NDFIP2: variants seen among roughly 807,000 people sequenced by gnomAD.
NDFIP2 encodes the protein NEDD4 family-interacting protein 2.
NDFIP2 carries 19 observed loss-of-function variants against 36.0 expected under a neutral mutation model. The observed-to-expected ratio is 0.53, with a 90% confidence interval of 0.37 to 0.77. The LOEUF (loss-of-function observed/expected upper bound fraction) is 0.77, where lower values mean the gene tolerates loss of function less well. NDFIP2 is among the 30% of genes least tolerant of loss of function. NDFIP2 has a pLI of 0.00. For missense variants in NDFIP2, 446 were observed against 435.8 expected (o/e 1.02, Z -0.21); for synonymous variants, 181 against 167.7 (o/e 1.08, Z -0.61).
intron 1 of NDFIP2, among the ~76,000 whole-genome samples, chr13:79,518,778 A>G (rs1194370027): frequency 6.6e-6 from 1 of 152,142 alleles, no homozygotes; most frequent in African/African-American, 2.4e-5. Context: ...AGGTAGAGCA[A>G]AAATTTACAT....
intron 1 of NDFIP2, among the ~76,000 whole-genome samples, chr13:79,510,815 A>G (rs1376404683): frequency 2.0e-5 from 3 of 152,154 alleles, no homozygotes; most frequent in South Asian, 2.1e-4. Context: ...CCTGGCCAAC[A>G]TAGTGAAACC....
At chr13:79,540,989 T>C (rs1020216990) in intron 4 of NDFIP2, among the ~76,000 whole-genome samples, 22 of 152,338 alleles carry the variant, frequency 1.4e-4, no homozygotes, top group African/African-American at 5.3e-4. Flanking sequence ...CCTGTGAACC[T>C]TGGTTTTTAT....
chr13:79,535,143 A>G (rs1875184049), intron 3 of NDFIP2, among the ~76,000 whole-genome samples: 1 of 152,164 alleles, frequency 6.6e-6, no homozygotes. Flanking sequence ...GTTACTTAGA[A>G]CACATATATT....
At chr13:79,509,627 T>A (rs182306419) in intron 1 of NDFIP2, among the ~76,000 whole-genome samples, 2 of 151,340 alleles carry the variant, frequency 1.3e-5, no homozygotes, top group Non-Finnish European at 2.9e-5. Flanking sequence ...AGGGGAGGAG[T>A]TGTATTGGCG....
At chr13:79,517,837 A>G (rs766992817) in intron 1 of NDFIP2, among the ~76,000 whole-genome samples, 1 of 152,200 alleles carries the variant, frequency 6.6e-6, no homozygotes, top group Non-Finnish European at 1.5e-5. Flanking sequence ...GAGCACATTT[A>G]TGTATTCAAT....
At chr13:79,535,801 AG>A (rs1875213905) in intron 3 of NDFIP2, among the ~76,000 whole-genome samples, 1 of 152,034 alleles carries the variant, frequency 6.6e-6, no homozygotes, top group African/African-American at 2.4e-5. Flanking sequence ...AAAATATTTG[AG>A]GTACTGTACA....
At chr13:79,543,261 G>A (rs910014477) in intron 4 of NDFIP2, among the ~76,000 whole-genome samples, 1 of 152,190 alleles carries the variant, frequency 6.6e-6, no homozygotes, top group Non-Finnish European at 1.5e-5. Flanking sequence ...GAGATACATT[G>A]TGATCTGGTT....
intron 6 of NDFIP2, among the ~76,000 whole-genome samples, chr13:79,549,305 C>G (rs1345283669): frequency 1.3e-5 from 2 of 151,886 alleles, no homozygotes; most frequent in Non-Finnish European, 2.9e-5. Flanking sequence ...ATTATGTGTT[C>G]TAACTGCCTG....
intron 3 of NDFIP2, among the ~76,000 whole-genome samples, chr13:79,538,609 C>T (rs993307898): frequency 6.6e-6 from 1 of 152,222 alleles, no homozygotes; most frequent in South Asian, 2.1e-4. Flanking sequence ...TTTTTTGAGA[C>T]GGTCTCACTG....
intron 1 of NDFIP2, among the ~76,000 whole-genome samples, chr13:79,508,587 A>G (rs1873958633): frequency 6.6e-6 from 1 of 152,292 alleles, no homozygotes; most frequent in African/African-American, 2.4e-5. Flanking sequence ...GTGGGAGTGT[A>G]GTAGTGAGGA....
chr13:79,532,696 A>G (rs960230459), intron 2 of NDFIP2, among the ~76,000 whole-genome samples: 12 of 152,338 alleles, frequency 7.9e-5, no homozygotes, highest in Admixed American at 1.3e-4. Context: ...GCAAAGGGAA[A>G]TACTGAATTT....
chr13:79,488,658 C>T (rs900015676), intron 1 of NDFIP2, among the ~76,000 whole-genome samples: 2 of 152,146 alleles, frequency 1.3e-5, no homozygotes, highest in Non-Finnish European at 2.9e-5. Context: ...ATAACTCATT[C>T]ATCTGATATA....
In NDFIP2 at chr13:79,555,091, C is replaced by G. The variant is rs1876059190; in HGVS notation, c.*2578C>G. The G allele has an allele frequency of 6.6e-6, 1 of 151,504 alleles. No homozygotes were observed. The highest frequency in any genetic ancestry group is 1.5e-5 in the Non-Finnish European group (1 of 67,756). 9.4% of individuals were successfully genotyped at this position (151,504 alleles called of 1,614,324 possible). ...TATTTTGAGTCTATAAGATATATTT[C>G]ATTTTAGACATGCCTTCTAAGTTGT... On this transcript the variant is annotated 3_prime_UTR_variant, in exon 8 of 8. Coordinates refer to ENST00000218652, the MANE Select transcript of NDFIP2 (RefSeq NM_019080.3).
intron 1 of NDFIP2, among the ~76,000 whole-genome samples, chr13:79,519,611 G>A (rs1481700842): frequency 6.6e-6 from 1 of 152,092 alleles, no homozygotes; most frequent in Non-Finnish European, 1.5e-5. Context: ...CCTTTTATTG[G>A]TGATAATAAC....
At chr13:79,501,670 A>T (rs1358493361) in intron 1 of NDFIP2, among the ~76,000 whole-genome samples, 1 of 152,128 alleles carries the variant, frequency 6.6e-6, no homozygotes, top group Non-Finnish European at 1.5e-5. Flanking sequence ...TAACACTTTG[A>T]TGGATCAACC....
chr13:79,508,672 T>G (rs1873961338), intron 1 of NDFIP2, among the ~76,000 whole-genome samples: 1 of 152,204 alleles, frequency 6.6e-6, no homozygotes, highest in Non-Finnish European at 1.5e-5. Context: ...GACTGTTTTA[T>G]TAACAAGGTC....
At chr13:79,489,507 G>A (rs1018727599) in intron 1 of NDFIP2, among the ~76,000 whole-genome samples, 1 of 152,168 alleles carries the variant, frequency 6.6e-6, no homozygotes, top group Non-Finnish European at 1.5e-5. Flanking sequence ...GGAGAAACTT[G>A]CACATACATG....
At position 79,539,672 on chromosome 13, in the gene NDFIP2, A is replaced by T; in HGVS notation, c.622-10A>T. On this transcript the variant is annotated splice_polypyrimidine_tract_variant and intron_variant, in intron 3 of 7. Coordinates refer to ENST00000218652, the MANE Select transcript of NDFIP2 (RefSeq NM_019080.3). ...TTTTAGTGAGCTATTCCAATGTTACATATTTACAGATTCAGGAGGAAGAGT... is the reference window on the plus strand; with the variant it reads ...TTTTAGTGAGCTATTCCAATGTTACTTATTTACAGATTCAGGAGGAAGAGT... 6.2e-7 allele frequency: 1 copy of T among 1,608,408 alleles called. No homozygotes were observed. Among genetic ancestry groups the T allele is most frequent in the Non-Finnish European group, 8.5e-7 (1 of 1,174,988 alleles).
intron 3 of NDFIP2, 109 bp downstream of exon 3, chr13:79,533,565 T>C: frequency 9.7e-7 from 1 of 1,031,274 alleles, no homozygotes; most frequent in Non-Finnish European, 1.3e-6. Flanking sequence ...TGTAGATTTT[T>C]TTTGAGCATT....
Sources: allele counts gnomAD v4.1 joint callset (sites outside exome capture counted in the v4.1 genomes callset), GRCh38; gene constraint gnomAD v4.1.1; transcripts MANE v1.5; gene names NCBI Gene and HGNC (gene_info 2026-07-23, HGNC 2026-07-21).